Variants in FMNL2 observed in about 807,000 individuals in gnomAD.
The protein encoded by FMNL2 is formin-like protein 2.
In FMNL2, 51 loss-of-function variants were observed where a neutral mutation model predicts 130.2. The ratio of observed to expected loss-of-function variants is 0.39; its 90% CI spans 0.31 to 0.49. FMNL2 has a LOEUF of 0.49. Ranked by LOEUF, FMNL2 falls within the 20% of genes least tolerant of loss-of-function variation. FMNL2 has a pLI of 0.85. For missense variants in FMNL2, 977 were observed against 1,316.2 expected, an observed-to-expected ratio of 0.74 and a Z score of 3.99; for synonymous variants, 465 against 467.1, an observed-to-expected ratio of 1.00 and a Z score of 0.06.
rs556544792 is a variant in FMNL2 at position 152,501,056 on chromosome 2, T to A, written c.118-20887T>A. Among the ~76,000 whole-genome samples the A allele has an allele frequency of 2.0e-5, 3 of 152,162 alleles. No individual in the cohort carries two copies. In the South Asian group the frequency reaches 6.2e-4, roughly 31 times the overall value. The stretch of plus-strand genomic sequence containing the variant: ...CCAAATTTTCATGAGAAGATGAAAA[T>A]TTTGATTCTTCTATGAAATCTTTCA... On this transcript the variant is annotated intron_variant, in intron 1 of 25. Coordinates refer to ENST00000288670, the MANE Select transcript of FMNL2 (RefSeq NM_052905.4).
intron 1 of FMNL2, among the ~76,000 whole-genome samples, chr2:152,442,041 G>A (rs1688078704): frequency 6.6e-6 from 1 of 151,878 alleles, no homozygotes; most frequent in African/African-American, 2.4e-5. Flanking sequence ...CTGTGTTGTT[G>A]GAGAGTTTTT....
At chr2:152,430,767 G>A (rs531010460) in intron 1 of FMNL2, among the ~76,000 whole-genome samples, 4 of 152,228 alleles carry the variant, frequency 2.6e-5, no homozygotes, top group Admixed American at 2.6e-4. Flanking sequence ...CAGATACTGG[G>A]GAGGCTGAGG....
At chr2:152,516,211 A>C (rs1253838061) in intron 1 of FMNL2, among the ~76,000 whole-genome samples, 3 of 152,126 alleles carry the variant, frequency 2.0e-5, no homozygotes, top group African/African-American at 4.8e-5. Flanking sequence ...AGTTCTAGAG[A>C]TCCGTTGCAC....
At chr2:152,549,725 T>G (rs1394783472) in intron 4 of FMNL2, among the ~76,000 whole-genome samples, 1 of 152,202 alleles carries the variant, frequency 6.6e-6, no homozygotes, top group Non-Finnish European at 1.5e-5. Context: ...ACAGCAATAT[T>G]ATATTCTCCC....
chr2:152,347,701 G>C (rs1297927668), intron 1 of FMNL2, among the ~76,000 whole-genome samples: 2 of 152,110 alleles, frequency 1.3e-5, no homozygotes, highest in African/African-American at 4.8e-5. Context: ...AAAGGTATAA[G>C]ACTGTGAATT....
In FMNL2 at chr2:152,575,196, T is replaced by A. The variant is rs763399880; in HGVS notation, c.657T>A (p.Asp219Glu). Reference protein sequence around the residue: ...LKNSRLVSKKDDVHVCIMCLR... With the variant: ...LKNSRLVSKKEDVHVCIMCLR... Reference sequence around the variant, plus strand: ...ATTCAAGATTAGTGAGTAAGAAAGATGATGTGCATGTCTGTATCATGTGTT... The same window carrying A: ...ATTCAAGATTAGTGAGTAAGAAAGAAGATGTGCATGTCTGTATCATGTGTT... Residue 219 changes from aspartate to glutamate, a missense_variant, in exon 7 of 26, where the codon GAT becomes GAA. By Grantham distance (45) the Asp-to-Glu change is conservative (BLOSUM62 2). Around this residue, in one of 4 missense-constraint regions of FMNL2, gnomAD observed 689 missense variants for 995.9 expected, o/e 0.69. Coordinates refer to ENST00000288670, the MANE Select transcript of FMNL2 (RefSeq NM_052905.4). 6.2e-7 allele frequency: 1 copy of A among 1,607,842 alleles called. No individual in the cohort carries two copies. The highest frequency in any genetic ancestry group is 1.3e-5 in the African/African-American group (1 of 74,886).
At chr2:152,357,941 G>C (rs1220075140) in intron 1 of FMNL2, among the ~76,000 whole-genome samples, 2 of 152,182 alleles carry the variant, frequency 1.3e-5, no homozygotes, top group African/African-American at 2.4e-5. Context: ...GAGTCTGTGA[G>C]GGTGCTGCCA....
At chr2:152,514,473 A>G (rs1365975607) in intron 1 of FMNL2, among the ~76,000 whole-genome samples, 2 of 152,166 alleles carry the variant, frequency 1.3e-5, no homozygotes, top group Admixed American at 6.5e-5. Flanking sequence ...TGAGGATAAT[A>G]TGAATAATAT....
At chr2:152,456,294 GA>G (rs1008722963) in intron 1 of FMNL2, among the ~76,000 whole-genome samples, 3 of 152,204 alleles carry the variant, frequency 2.0e-5, no homozygotes, top group Non-Finnish European at 4.4e-5. Context: ...AGATGAGGTT[GA>G]AAAGGTAAAT....
At chr2:152,400,377 A>C (rs1361818907) in intron 1 of FMNL2, among the ~76,000 whole-genome samples, 1 of 152,200 alleles carries the variant, frequency 6.6e-6, no homozygotes, top group Non-Finnish European at 1.5e-5. Flanking sequence ...AGGAGGTTGC[A>C]GTGAGCTGAG....
chr2:152,543,551 C>G (rs1399186018), intron 3 of FMNL2, among the ~76,000 whole-genome samples: 1 of 152,002 alleles, frequency 6.6e-6, no homozygotes, highest in East Asian at 1.9e-4. Flanking sequence ...TTTAAGGCTC[C>G]TGCGAAAATC....
At chr2:152,464,475 C>T (rs1244546177) in intron 1 of FMNL2, among the ~76,000 whole-genome samples, 1 of 152,210 alleles carries the variant, frequency 6.6e-6, no homozygotes, top group East Asian at 1.9e-4. Flanking sequence ...ATGTACCCCC[C>T]TGATGGACTG....
chr2:152,368,392 T>C (rs1016656882), intron 1 of FMNL2, among the ~76,000 whole-genome samples: 1 of 152,152 alleles, frequency 6.6e-6, no homozygotes, highest in African/African-American at 2.4e-5. Flanking sequence ...TGCTACTAAA[T>C]AAGCAAAATA....
chr2:152,389,902 C>G, intron 1 of FMNL2: 2 of 1,040,290 alleles, frequency 1.9e-6, no homozygotes, highest in Non-Finnish European at 1.5e-6. Context: ...GAAGAGAACC[C>G]GGGAGAAGGT....
intron 9 of FMNL2, among the ~76,000 whole-genome samples, chr2:152,601,066 A>G (rs1359162721): frequency 6.6e-6 from 1 of 152,124 alleles, no homozygotes; most frequent in African/African-American, 2.4e-5. Flanking sequence ...TTTTATTTGC[A>G]ATGAAACCTT....
chr2:152,438,604 C>A (rs545025520), intron 1 of FMNL2, among the ~76,000 whole-genome samples: 1 of 152,222 alleles, frequency 6.6e-6, no homozygotes, highest in South Asian at 2.1e-4. Flanking sequence ...CTGTGTAGGT[C>A]AGTGAAAAAT....
At chr2:152,560,253 C>G (rs896512306) in intron 5 of FMNL2, among the ~76,000 whole-genome samples, 4 of 151,062 alleles carry the variant, frequency 2.6e-5, no homozygotes, top group Non-Finnish European at 5.9e-5. Context: ...AAACTTTGTT[C>G]CTAAAACTAT....
chr2:152,571,016 G>A (rs191215472), intron 6 of FMNL2, among the ~76,000 whole-genome samples: 2 of 152,272 alleles, frequency 1.3e-5, no homozygotes, highest in South Asian at 4.1e-4. Context: ...GAAGTTTTGT[G>A]GCATTTTAAC....
At chr2:152,593,263 AC>A (rs578141473) in intron 9 of FMNL2, among the ~76,000 whole-genome samples, 12 of 151,918 alleles carry the variant, frequency 7.9e-5, no homozygotes, top group African/African-American at 2.9e-4. Context: ...ACAAACAAAC[AC>A]CTCAACTAGA....
Sources: gnomAD v4.1 joint callset for allele counts (sites outside exome capture counted in the v4.1 genomes callset) on GRCh38, gnomAD v4.1.1 for gene constraint, gnomAD v4.1.1 regional missense constraint, MANE v1.5 for transcripts, NCBI Gene and HGNC (gene_info 2026-07-23, HGNC 2026-07-21) for gene names.